KYAT3: variants seen among roughly 807,000 people sequenced by gnomAD.
KYAT3 encodes the protein kynurenine aminotransferase 3, also known as kynurenine--oxoglutarate transaminase 3.
Under a neutral mutation model 59.0 loss-of-function variants are expected in KYAT3, and 50 were observed. The ratio of observed to expected loss-of-function variants is 0.85; its 90% CI spans 0.68 to 1.07. The LOEUF is 1.07. Among genes scored for constraint, KYAT3 ranks in the 50% least tolerant of loss-of-function variants. The pLI is 0.00. For missense variants in KYAT3, 497 were observed against 533.3 expected (o/e 0.93, Z 0.67); for synonymous variants, 148 against 177.0 (o/e 0.84, Z 1.30).
At chr1:88,963,972 G>A (rs1372336513) in intron 5 of KYAT3, among the ~76,000 whole-genome samples, 1 of 152,194 alleles carries the variant, frequency 6.6e-6, no homozygotes, top group Non-Finnish European at 1.5e-5. Flanking sequence ...GGAGGCTGAG[G>A]CAGGCGGATC....
chr1:88,969,368 G>T lies in KYAT3; in HGVS notation c.158+41C>A, dbSNP rs1371833781. ...CCATCTAAAGATACGAAAATATGTA[G>T]GAAACCCTCACTAAATTATTATTTA... On this transcript the variant is annotated intron_variant, in intron 3 of 13. Coordinates refer to ENST00000260508, the MANE Select transcript of KYAT3 (RefSeq NM_001008661.3). 45 of 1,221,014 alleles carry T rather than the reference G, an allele frequency of 3.7e-5. No individual in the cohort carries two copies. In the Admixed American group the frequency reaches 8.1e-4, roughly 22 times the overall value. 75.6% of individuals were successfully genotyped at this position (1,221,014 alleles called of 1,614,324 possible).
At chr1:88,979,320 C>CA (rs1676955343) in intron 2 of KYAT3, 1 of 151,876 alleles carries the variant, frequency 6.6e-6, no homozygotes, top group Non-Finnish European at 1.5e-5. Context: ...GATGAACACT[C>CA]AAAAAATGTT....
intron 2 of KYAT3, among the ~76,000 whole-genome samples, chr1:88,986,284 C>T (rs1308017344): frequency 6.6e-6 from 1 of 150,812 alleles, no homozygotes; most frequent in Admixed American, 6.6e-5. Flanking sequence ...TTGCGCTTCT[C>T]TGGTGGACAT....
chr1:88,921,783 G>A, the KYAT3 span, among the ~76,000 whole-genome samples: 1 of 152,158 alleles, frequency 6.6e-6, no homozygotes, highest in African/African-American at 2.4e-5. Flanking sequence ...AGCCAACATT[G>A]TAGTTCAAGT....
rs529013325 is a variant in KYAT3 at position 88,950,153 on chromosome 1, G to C, written c.955-876C>G. Among the ~76,000 whole-genome samples the C allele has an allele frequency of 2.3e-4, 35 of 152,262 alleles. No individual in the cohort carries two copies. The South Asian group carries it at 2.5e-3, about 11-fold the overall frequency. On this transcript the variant is annotated intron_variant, in intron 10 of 13. Coordinates refer to ENST00000260508, the MANE Select transcript of KYAT3 (RefSeq NM_001008661.3). ...CTGGTGCCTTATCTTGGACTTTGCT[G>C]CCTCCAGAACAGTGAGAAATAAATT...
At chr1:88,970,260 C>A (rs1484053123) in intron 2 of KYAT3, among the ~76,000 whole-genome samples, 1 of 152,104 alleles carries the variant, frequency 6.6e-6, no homozygotes, top group Non-Finnish European at 1.5e-5. Flanking sequence ...TTATTGAGTA[C>A]TGAGTATGTC....
intron 1 of KYAT3, among the ~76,000 whole-genome samples, chr1:88,990,370 C>T (rs906813996): frequency 6.6e-6 from 1 of 152,160 alleles, no homozygotes; most frequent in Non-Finnish European, 1.5e-5. Context: ...CCTCAATCTA[C>T]GCTCCTCAAC....
intron 5 of KYAT3, among the ~76,000 whole-genome samples, chr1:88,962,935 T>C (rs1168624315): frequency 6.6e-6 from 1 of 151,890 alleles, no homozygotes; most frequent in East Asian, 1.9e-4. Flanking sequence ...AATATACCTG[T>C]TACTCTTCGC....
intron 2 of KYAT3, 58 bp downstream of exon 2, chr1:88,988,194 A>AT (rs1393902726): frequency 9.1e-7 from 1 of 1,098,572 alleles, no homozygotes; most frequent in East Asian, 2.4e-5. Flanking sequence ...AAAATTACAT[A>AT]TTTTTTGGAC....
At chr1:88,972,479 A>G (rs1403474153) in intron 2 of KYAT3, among the ~76,000 whole-genome samples, 1 of 152,212 alleles carries the variant, frequency 6.6e-6, no homozygotes, top group African/African-American at 2.4e-5. Flanking sequence ...CACTCACATT[A>G]CAGGGTGAAC....
chr1:88,931,758 C>G (rs185275122), downstream of KYAT3, among the ~76,000 whole-genome samples: 48 of 151,896 alleles, frequency 3.2e-4, no homozygotes, highest in East Asian at 9.3e-3. Flanking sequence ...CATCTTATCA[C>G]CTGAGAGCAC....
chr1:88,957,579 T>G (rs956641184), intron 8 of KYAT3, among the ~76,000 whole-genome samples: 1 of 152,172 alleles, frequency 6.6e-6, no homozygotes, highest in Non-Finnish European at 1.5e-5. Context: ...AATGAAATAG[T>G]GTATCCATTT....
At chr1:88,982,730 G>C (rs1470451567) in intron 2 of KYAT3, 4 of 1,613,808 alleles carry the variant, frequency 2.5e-6, no homozygotes, top group African/African-American at 2.7e-5. Flanking sequence ...TCCGCGGCTT[G>C]AACTGCTGTA....
At chr1:88,926,507 G>T in the KYAT3 span, among the ~76,000 whole-genome samples, 7 of 152,208 alleles carry the variant, frequency 4.6e-5, no homozygotes, top group East Asian at 1.4e-3. Flanking sequence ...GTATAGACAG[G>T]ATCTCACTGT....
In KYAT3 at chr1:88,956,876, A is replaced by G. The variant is rs551635661; in HGVS notation, c.788-1651T>C. 4.6e-5 allele frequency among the ~76,000 whole-genome samples: 7 copies of G among 152,266 alleles called. No individual in the cohort carries two copies. The East Asian group carries it at 1.4e-3, about 29-fold the overall frequency. ...TACTGCTTTGTGGATTCCTCAAGTAATTTACTTGTGAAGTTCTTTCCATGC... is the reference window on the plus strand; with the variant it reads ...TACTGCTTTGTGGATTCCTCAAGTAGTTTACTTGTGAAGTTCTTTCCATGC... On this transcript the variant is annotated intron_variant, in intron 8 of 13. Coordinates refer to ENST00000260508, the MANE Select transcript of KYAT3 (RefSeq NM_001008661.3).
At chr1:88,928,820 G>A in the KYAT3 span, among the ~76,000 whole-genome samples, 4 of 152,062 alleles carry the variant, frequency 2.6e-5, no homozygotes, top group Non-Finnish European at 5.9e-5. Context: ...GTCACTATCC[G>A]AGGGGTCCTA....
chr1:88,983,525 C>G (rs1357137773), intron 2 of KYAT3: 1 of 1,614,080 alleles, frequency 6.2e-7, no homozygotes, highest in Non-Finnish European at 8.5e-7. Context: ...ACCTCTACTT[C>G]TTGGAGGTGG....
At chr1:88,984,197 TTTG>T (rs1557707519) in intron 2 of KYAT3, 1 of 192,168 alleles carries the variant, frequency 5.2e-6, no homozygotes, top group Non-Finnish European at 1.0e-5. Flanking sequence ...GAGCCCTTTT[TTTG>T]TTGCTTTTTT....
At chr1:88,992,829 G>A (rs1677903597), upstream of KYAT3, 2 of 152,712 alleles carry the variant, frequency 1.3e-5, no homozygotes, top group Admixed American at 1.3e-4. Context: ...GGGAACAAGG[G>A]GGCGGGGCGG....
Sources: gnomAD v4.1 joint callset for allele counts (sites outside exome capture counted in the v4.1 genomes callset) on GRCh38, gnomAD v4.1.1 for gene constraint, MANE v1.5 for transcripts, NCBI Gene and HGNC (gene_info 2026-07-23, HGNC 2026-07-21) for gene names.